FOXO1: variants seen among roughly 807,000 people sequenced by gnomAD.
FOXO1 encodes forkhead box protein O1.
A neutral mutation model predicts 44.1 loss-of-function variants in FOXO1; 6 were observed. The ratio of observed to expected loss-of-function variants is 0.14; its 90% CI spans 0.07 to 0.27. The LOEUF (loss-of-function observed/expected upper bound fraction) is 0.27. Ranked by LOEUF, FOXO1 falls within the 10% of genes least tolerant of loss-of-function variation. FOXO1 has a pLI of 1.00. For synonymous variants in FOXO1, 380 were observed against 362.7 expected (o/e 1.05, Z -0.54); for missense variants, 737 against 888.8 (o/e 0.83, Z 2.17).
intron 1 of FOXO1, among the ~76,000 whole-genome samples, chr13:40,589,203 C>A (rs1278964775): frequency 6.6e-6 from 1 of 152,156 alleles, no homozygotes; most frequent in Non-Finnish European, 1.5e-5. Flanking sequence ...CAAGAATATT[C>A]TACATTCAAA....
In FOXO1 at chr13:40,559,514, C is replaced by CACTA; in HGVS notation, c.*5_*8dup. 6.4e-7 allele frequency: 1 copy of CACTA among 1,573,770 alleles called. No individual in the cohort carries two copies. The highest frequency in any genetic ancestry group is 8.6e-7 in the Non-Finnish European group (1 of 1,158,570). Reference sequence around the variant, plus strand: ...TGATATTGGGGTGAACTTACCTGCTCACTAACCCTCAGCCTGACACCCAGC... The same window carrying CACTA: ...TGATATTGGGGTGAACTTACCTGCTCACTAACTAACCCTCAGCCTGACACCCAGC... On this transcript the variant is annotated 3_prime_UTR_variant, in exon 2 of 3. Transcript: ENST00000379561.
chr13:40,607,179 T>C (rs918446160), intron 1 of FOXO1, among the ~76,000 whole-genome samples: 2 of 152,198 alleles, frequency 1.3e-5, no homozygotes, highest in Admixed American at 1.3e-4. Flanking sequence ...GGGCCTCTGG[T>C]ACAGAAGGCA....
chr13:40,639,211 A>C (rs1877269342), intron 1 of FOXO1, among the ~76,000 whole-genome samples: 1 of 152,018 alleles, frequency 6.6e-6, no homozygotes, highest in Non-Finnish European at 1.5e-5. Flanking sequence ...AAAAAAAAAA[A>C]CAACAACAGT....
chr13:40,644,523 A>G (rs932986951), intron 1 of FOXO1, among the ~76,000 whole-genome samples: 1 of 152,174 alleles, frequency 6.6e-6, no homozygotes, highest in Non-Finnish European at 1.5e-5. Flanking sequence ...AAAAAATCAC[A>G]ATGTTAAGAC....
intron 1 of FOXO1, among the ~76,000 whole-genome samples, chr13:40,621,859 A>G (rs1003910877): frequency 2.2e-4 from 34 of 152,200 alleles, no homozygotes; most frequent in African/African-American, 7.7e-4. Context: ...AGCATATCAT[A>G]TATGTATAGT....
At chr13:40,634,831 C>T (rs1336554343) in intron 1 of FOXO1, among the ~76,000 whole-genome samples, 1 of 152,120 alleles carries the variant, frequency 6.6e-6, no homozygotes, top group Non-Finnish European at 1.5e-5. Flanking sequence ...GTGCCCACCA[C>T]CCCGCCCAGC....
intron 1 of FOXO1, chr13:40,611,189 T>C (rs1236113315): frequency 5.8e-6 from 2 of 345,332 alleles, no homozygotes; most frequent in Non-Finnish European, 1.2e-5. Flanking sequence ...TCTACCCTGT[T>C]ACATAAACAA....
At position 40,666,010 on chromosome 13, in the gene FOXO1, G is replaced by T; in HGVS notation, c.203C>A (p.Ala68Asp). The T allele has an allele frequency of 7.9e-7, 1 of 1,270,522 alleles. No homozygotes were observed. The highest frequency in any genetic ancestry group is 9.9e-7 in the Non-Finnish European group (1 of 1,009,764). 78.7% of individuals were successfully genotyped at this position (1,270,522 alleles called of 1,614,324 possible). ...CAAGCTCAGGTTGCTCATGAAGTCGGCGCTGACAGCGGCAGCCGAGGCCGA... is the reference window on the plus strand; with the variant it reads ...CAAGCTCAGGTTGCTCATGAAGTCGTCGCTGACAGCGGCAGCCGAGGCCGA... ...LPSASAAAVSADFMSNLSLLE... is the reference protein window; with the variant it reads ...LPSASAAAVSDDFMSNLSLLE... Residue 68 changes from alanine to aspartate, a missense_variant, in exon 1 of 3, where the codon GCC (alanine) becomes GAC (aspartate). Ala to Asp is a moderately radical substitution (Grantham distance 126). Coordinates refer to ENST00000379561, the MANE Select transcript of FOXO1 (RefSeq NM_002015.4).
At chr13:40,579,248 C>G (rs2137848145) in intron 1 of FOXO1, among the ~76,000 whole-genome samples, 1 of 152,272 alleles carries the variant, frequency 6.6e-6, no homozygotes, top group East Asian at 1.9e-4. Flanking sequence ...ACACACCTGC[C>G]CTAGGTAGCT....
At chr13:40,601,079 C>A (rs1437497805) in intron 1 of FOXO1, among the ~76,000 whole-genome samples, 1 of 152,066 alleles carries the variant, frequency 6.6e-6, no homozygotes, top group Non-Finnish European at 1.5e-5. Flanking sequence ...TACCTCAATG[C>A]CCCCCACCAC....
chr13:40,569,926 T>C (rs1874415104), intron 1 of FOXO1, among the ~76,000 whole-genome samples: 1 of 152,080 alleles, frequency 6.6e-6, no homozygotes, highest in Admixed American at 6.5e-5. Flanking sequence ...ACAAATTATA[T>C]CCAGGATGGT....
In FOXO1 at chr13:40,633,185, C is replaced by T. The variant is rs559109048; in HGVS notation, c.630+32398G>A. 3.8e-3 allele frequency among the ~76,000 whole-genome samples: 574 copies of T among 152,308 alleles called. 4 individuals are homozygous for T. Among genetic ancestry groups the T allele is most frequent in the African/African-American group, 0.012 (490 of 41,552 alleles). On this transcript the variant is annotated intron_variant, in intron 1 of 2. Transcript: ENST00000379561. The stretch of plus-strand genomic sequence containing the variant: ...AATGTAAAATGGTGCAGCCACTTTT[C>T]AGCAGTTTGACAGTTCCTCAAAAGG...
intron 1 of FOXO1, among the ~76,000 whole-genome samples, chr13:40,611,761 A>G (rs1876242075): frequency 6.6e-6 from 1 of 152,204 alleles, no homozygotes; most frequent in African/African-American, 2.4e-5. Context: ...AGTACTGTCA[A>G]CAGTAAAATG....
intron 1 of FOXO1, among the ~76,000 whole-genome samples, chr13:40,605,290 T>C (rs993432098): frequency 6.6e-6 from 1 of 152,180 alleles, no homozygotes; most frequent in African/African-American, 2.4e-5. Flanking sequence ...TCATTTTTTT[T>C]CCTGATCAAG....
chr13:40,583,217 G>A (rs1875023202), intron 1 of FOXO1, among the ~76,000 whole-genome samples: 1 of 152,196 alleles, frequency 6.6e-6, no homozygotes, highest in African/African-American at 2.4e-5. Flanking sequence ...AAGCCATGCT[G>A]TAAACAGATG....
At chr13:40,602,198 C>T (rs1566072541) in intron 1 of FOXO1, among the ~76,000 whole-genome samples, 1 of 152,110 alleles carries the variant, frequency 6.6e-6, no homozygotes, top group South Asian at 2.1e-4. Context: ...TTTCCCCCTC[C>T]CTCACTTTCT....
chr13:40,583,722 G>T (rs945854989), intron 1 of FOXO1, among the ~76,000 whole-genome samples: 8 of 152,182 alleles, frequency 5.3e-5, no homozygotes, highest in Non-Finnish European at 5.9e-5. Context: ...AAGGAATGTT[G>T]TGACTGTTTT....
chr13:40,656,101 T>C (rs1451513726), intron 1 of FOXO1, among the ~76,000 whole-genome samples: 2 of 152,218 alleles, frequency 1.3e-5, no homozygotes, highest in Non-Finnish European at 2.9e-5. Flanking sequence ...ATACATTCAG[T>C]CCTATTGGAC....
chr13:40,604,498 T>C (rs1403164309), intron 1 of FOXO1, among the ~76,000 whole-genome samples: 1 of 152,142 alleles, frequency 6.6e-6, no homozygotes, highest in Non-Finnish European at 1.5e-5. Flanking sequence ...AATGGATTCA[T>C]ATGCATTCAG....
Sources: allele counts gnomAD v4.1 joint callset (sites outside exome capture counted in the v4.1 genomes callset), GRCh38; gene constraint gnomAD v4.1.1; transcripts MANE v1.5; gene names NCBI Gene and HGNC (gene_info 2026-07-23, HGNC 2026-07-21).